Variants in SNX29 observed in about 807,000 individuals in gnomAD.
SNX29 encodes the protein sorting nexin-29.
A neutral mutation model predicts 102.1 loss-of-function variants in SNX29; 78 were observed. The ratio of observed to expected loss-of-function variants is 0.76; its 90% CI spans 0.64 to 0.92. The LOEUF is 0.92. Ranked by LOEUF, SNX29 falls within the 40% of genes least tolerant of loss-of-function variation. SNX29 has a pLI of 0.00. For missense variants in SNX29, 1,280 were observed against 1,061.7 expected, an observed-to-expected ratio of 1.21 and a Z score of -2.86; for synonymous variants, 580 against 414.5, an observed-to-expected ratio of 1.40 and a Z score of -4.85.
At chr16:12,083,396 T>G (rs1465894429) in intron 11 of SNX29, among the ~76,000 whole-genome samples, 1 of 151,976 alleles carries the variant, frequency 6.6e-6, no homozygotes, top group Non-Finnish European at 1.5e-5. Context: ...TGATTTCTGG[T>G]AAGGCCTCTT....
chr16:12,300,222 C>T (rs114795821), intron 15 of SNX29, among the ~76,000 whole-genome samples: 1,634 of 152,282 alleles, frequency 0.011, 24 homozygotes, highest in African/African-American at 0.037. Context: ...AGCCAAGTAA[C>T]GTAATCTCCA....
chr16:12,037,668 G>C (rs2057514290), intron 4 of SNX29, among the ~76,000 whole-genome samples: 1 of 151,978 alleles, frequency 6.6e-6, no homozygotes, highest in Non-Finnish European at 1.5e-5. Context: ...GAAAGGGAAA[G>C]GGACCAGGCT....
intron 12 of SNX29, 32 bp from the exon 13 acceptor site, chr16:12,129,598 G>C: frequency 6.3e-7 from 1 of 1,586,490 alleles, no homozygotes. Flanking sequence ...TGGGTTGACA[G>C]CTTCTGAACA....
chr16:12,238,093 C>A (rs945635595), intron 14 of SNX29, among the ~76,000 whole-genome samples: 1 of 152,096 alleles, frequency 6.6e-6, no homozygotes. Flanking sequence ...GGGAGATGAA[C>A]CTCGGTGGAG....
chr16:12,074,332 GC>G (rs747114934), intron 10 of SNX29, among the ~76,000 whole-genome samples: 10 of 151,906 alleles, frequency 6.6e-5, no homozygotes, highest in Non-Finnish European at 2.9e-5. Flanking sequence ...CATGTTTAGT[GC>G]CTCCTTCAGG....
At chr16:12,522,373 C>G (rs1475837911) in intron 19 of SNX29, among the ~76,000 whole-genome samples, 1 of 152,256 alleles carries the variant, frequency 6.6e-6, no homozygotes, top group East Asian at 1.9e-4. Flanking sequence ...TGCTCGGGGC[C>G]TTGGCAAGGC....
chr16:12,281,155 A>G (rs868315075), intron 15 of SNX29, among the ~76,000 whole-genome samples: 2 of 151,902 alleles, frequency 1.3e-5, no homozygotes, highest in Non-Finnish European at 2.9e-5. Context: ...CTCCAACAAT[A>G]CTCTCACCTC....
chr16:12,184,184 G>T (rs902200221), intron 13 of SNX29, among the ~76,000 whole-genome samples: 6 of 152,178 alleles, frequency 3.9e-5, no homozygotes, highest in Non-Finnish European at 7.3e-5. Flanking sequence ...GTATTATGCT[G>T]GAGAAAAAGG....
chr16:12,476,107 G>C (rs1015158593), intron 18 of SNX29, among the ~76,000 whole-genome samples: 1 of 151,622 alleles, frequency 6.6e-6, no homozygotes, highest in Non-Finnish European at 1.5e-5. Context: ...GATCATCTGA[G>C]GCCAGGAGTT....
chr16:12,025,184 C>A (rs1292404740), intron 3 of SNX29, among the ~76,000 whole-genome samples: 1 of 151,614 alleles, frequency 6.6e-6, no homozygotes, highest in African/African-American at 2.4e-5. Context: ...CGCCTGTATT[C>A]CCAGCTACAT....
chr16:12,433,596 A>T (rs924221800), intron 18 of SNX29, among the ~76,000 whole-genome samples: 6 of 146,622 alleles, frequency 4.1e-5, no homozygotes, highest in Non-Finnish European at 7.4e-5. Context: ...ATGCCACTGC[A>T]CTCCAGCCTG....
At chr16:12,541,648 C>A (rs892546867) in intron 20 of SNX29, among the ~76,000 whole-genome samples, 5 of 152,158 alleles carry the variant, frequency 3.3e-5, no homozygotes, top group African/African-American at 1.2e-4. Flanking sequence ...TTCGTTCAGC[C>A]AGCTCCTAAT....
Position 12,078,932 on chromosome 16 carries a change from C to A in SNX29, c.1402+17C>A, listed in dbSNP as rs746325130. The A allele has an allele frequency of 1.3e-6, 2 of 1,580,448 alleles. No individual in the cohort carries two copies. Among genetic ancestry groups the A allele is most frequent in the Admixed American group, 3.6e-5 (2 of 55,044 alleles). Reference sequence around the variant, plus strand: ...TGACAATTAGTAAGTACTTTCGCAGCCCCCTCCACCAGCTCTGGGATGACT... The same window carrying A: ...TGACAATTAGTAAGTACTTTCGCAGACCCCTCCACCAGCTCTGGGATGACT... On this transcript the variant is annotated intron_variant, in intron 11 of 20. Transcript: ENST00000566228.
At chr16:12,568,121 G>T (rs1006213519) in intron 20 of SNX29, among the ~76,000 whole-genome samples, 1 of 152,166 alleles carries the variant, frequency 6.6e-6, no homozygotes, top group Non-Finnish European at 1.5e-5. Flanking sequence ...GTGGCTTTAT[G>T]TAGTGTTCTC....
intron 18 of SNX29, among the ~76,000 whole-genome samples, chr16:12,453,378 A>G (rs1309446352): frequency 6.6e-6 from 1 of 152,212 alleles, no homozygotes; most frequent in Non-Finnish European, 1.5e-5. Context: ...CCTTGCTGGA[A>G]ATCCTTACTG....
At chr16:12,088,867 C>T (rs1237908617) in intron 11 of SNX29, among the ~76,000 whole-genome samples, 1 of 151,936 alleles carries the variant, frequency 6.6e-6, no homozygotes, top group African/African-American at 2.4e-5. Flanking sequence ...GGGCGGATTA[C>T]TCTTGAGGTC....
At chr16:12,291,519 G>A (rs1361197432) in intron 15 of SNX29, among the ~76,000 whole-genome samples, 2 of 152,162 alleles carry the variant, frequency 1.3e-5, no homozygotes, top group Non-Finnish European at 2.9e-5. Context: ...GGGGACAAAG[G>A]CAAACCATAT....
intron 20 of SNX29, chr16:12,560,988 C>G (rs548613407): frequency 3.2e-5 from 7 of 215,650 alleles, no homozygotes; most frequent in Non-Finnish European, 5.6e-5. Context: ...TGGGTACTGC[C>G]AGAGCCATTT....
chr16:12,357,214 A>G (rs1397704871), intron 16 of SNX29, among the ~76,000 whole-genome samples: 1 of 152,328 alleles, frequency 6.6e-6, no homozygotes, highest in African/African-American at 2.4e-5. Flanking sequence ...TGTCAGGGTG[A>G]ACAATTATCC....
Sources: gnomAD v4.1 joint callset for allele counts (sites outside exome capture counted in the v4.1 genomes callset) on GRCh38, gnomAD v4.1.1 for gene constraint, MANE v1.5 for transcripts, NCBI Gene and HGNC (gene_info 2026-07-23, HGNC 2026-07-21) for gene names.